The following EXOC4 variants were observed in gnomAD, a reference collection of about 807,000 sequenced individuals.
EXOC4 encodes SEC8-like 1.
EXOC4 carries 71 observed loss-of-function variants against 107.2 expected under a neutral mutation model. The observed-to-expected ratio is 0.66, with a 90% CI of 0.55 to 0.81. The LOEUF (loss-of-function observed/expected upper bound fraction) is 0.81, where lower values mean the gene tolerates loss of function less well. EXOC4 is among the 30% of genes least tolerant of loss of function. The pLI, the probability that EXOC4 is intolerant of heterozygous loss-of-function variation, is 0.00. For missense variants in EXOC4, 1,108 were observed against 1,189.6 expected, an observed-to-expected ratio of 0.93 and a Z score of 1.01; for synonymous variants, 456 against 441.2, an observed-to-expected ratio of 1.03 and a Z score of -0.42.
chr7:134,014,718 T>C (rs1794860277), intron 17 of EXOC4, among the ~76,000 whole-genome samples: 1 of 152,110 alleles, frequency 6.6e-6, no homozygotes, highest in African/African-American at 2.4e-5. Context: ...GCCCTGTGAC[T>C]ATTCTAAAAG....
At chr7:133,697,647 T>C (rs1240600946) in intron 10 of EXOC4, among the ~76,000 whole-genome samples, 2 of 152,170 alleles carry the variant, frequency 1.3e-5, no homozygotes, top group African/African-American at 4.8e-5. Context: ...GGCCTCGCAG[T>C]GTGGGAGAGA....
chr7:133,522,999 C>T (rs901415105), intron 9 of EXOC4, among the ~76,000 whole-genome samples: 4 of 152,178 alleles, frequency 2.6e-5, no homozygotes, highest in African/African-American at 4.8e-5. Context: ...TGGCATTTAA[C>T]TCACCACCTT....
At chr7:133,437,163 C>A (rs1471251745) in intron 7 of EXOC4, among the ~76,000 whole-genome samples, 1 of 151,968 alleles carries the variant, frequency 6.6e-6, no homozygotes, top group Admixed American at 6.6e-5. Flanking sequence ...AAATATTTGC[C>A]CAAATTAATA....
intron 10 of EXOC4, among the ~76,000 whole-genome samples, chr7:133,736,329 G>A (rs59959043): frequency 4.3e-4 from 65 of 152,158 alleles, no homozygotes; most frequent in African/African-American, 1.5e-3. Flanking sequence ...GTGTAGAACA[G>A]TGTTTTCAGC....
chr7:133,769,741 T>G (rs533794881), intron 10 of EXOC4, among the ~76,000 whole-genome samples: 2 of 152,024 alleles, frequency 1.3e-5, no homozygotes, highest in East Asian at 3.9e-4. Flanking sequence ...AGTTTTGAAC[T>G]TTTTTCCTTA....
intron 14 of EXOC4, among the ~76,000 whole-genome samples, chr7:133,951,346 T>C (rs1800685978): frequency 6.6e-6 from 1 of 152,182 alleles, no homozygotes; most frequent in African/African-American, 2.4e-5. Context: ...AAATCCCTCA[T>C]AGGTTATTTG....
intron 9 of EXOC4, among the ~76,000 whole-genome samples, chr7:133,504,061 A>T (rs951884243): frequency 2.0e-5 from 3 of 152,296 alleles, no homozygotes; most frequent in African/African-American, 7.2e-5. Context: ...GTACAAATAC[A>T]GTTCCCGACT....
At chr7:134,034,573 G>A (rs1280348289) in intron 17 of EXOC4, among the ~76,000 whole-genome samples, 5 of 152,162 alleles carry the variant, frequency 3.3e-5, no homozygotes, top group African/African-American at 7.2e-5. Context: ...TTCCCCCTTC[G>A]ATCAGCACTT....
chr7:133,502,065 A>C, intron 9 of EXOC4, among the ~76,000 whole-genome samples: 1 of 152,154 alleles, frequency 6.6e-6, no homozygotes, highest in Admixed American at 6.5e-5. Context: ...ACACTCGAGG[A>C]AGCTTAAATT....
intron 10 of EXOC4, among the ~76,000 whole-genome samples, chr7:133,787,380 TGTGTGTGTGA>T (rs781601086): frequency 0.16 from 3,833 of 24,558 alleles, 139 homozygotes; most frequent in South Asian, 0.23. Flanking sequence ...TGTGTGTGTG[TGTGTGTGTGA>T]GATGAGGTCT....
At chr7:133,303,944 G>A (rs78504184) in intron 3 of EXOC4, among the ~76,000 whole-genome samples, 158 of 152,256 alleles carry the variant, frequency 1.0e-3, no homozygotes, top group African/African-American at 3.6e-3. Context: ...CAGGCACTGC[G>A]CTAAGTGTTT....
intron 10 of EXOC4, among the ~76,000 whole-genome samples, chr7:133,787,964 TATATATATA>T (rs1796617733): frequency 7.6e-4 from 7 of 9,242 alleles, no homozygotes; most frequent in African/African-American, 1.8e-3. Context: ...TTTATATATT[TATATATATA>T]TATATATATA....
intron 14 of EXOC4, among the ~76,000 whole-genome samples, chr7:133,960,170 A>G (rs1476139435): frequency 1.3e-5 from 2 of 152,194 alleles, no homozygotes; most frequent in Non-Finnish European, 2.9e-5. Flanking sequence ...GTTGATTAGA[A>G]TACCTAATGT....
chr7:133,867,547 C>A (rs746679191), intron 11 of EXOC4, among the ~76,000 whole-genome samples: 1 of 152,156 alleles, frequency 6.6e-6, no homozygotes, highest in Non-Finnish European at 1.5e-5. Context: ...GGGAACCATT[C>A]TTTTCAAGTG....
chr7:134,058,996 C>T (rs933499685), intron 17 of EXOC4, among the ~76,000 whole-genome samples: 1 of 152,146 alleles, frequency 6.6e-6, no homozygotes, highest in Admixed American at 6.6e-5. Context: ...CAAAACCCAG[C>T]ATGAGACGTA....
chr7:133,852,252 T>C (rs1798252981), intron 11 of EXOC4, among the ~76,000 whole-genome samples: 1 of 151,146 alleles, frequency 6.6e-6, no homozygotes, highest in Non-Finnish European at 1.5e-5. Context: ...AGACGGAGTC[T>C]TGCTCTGTCA....
intron 11 of EXOC4, among the ~76,000 whole-genome samples, chr7:133,831,079 C>T (rs1037821234): frequency 6.6e-6 from 1 of 152,220 alleles, no homozygotes; most frequent in African/African-American, 2.4e-5. Flanking sequence ...ATTCTCCTGC[C>T]TCAGCCTCCT....
intron 10 of EXOC4, among the ~76,000 whole-genome samples, chr7:133,779,729 A>G (rs1424972152): frequency 1.3e-5 from 2 of 152,336 alleles, no homozygotes; most frequent in Non-Finnish European, 2.9e-5. Context: ...AGCTAGCTAG[A>G]GATTTGTAAA....
intron 10 of EXOC4, among the ~76,000 whole-genome samples, chr7:133,664,481 C>G (rs1793768012): frequency 6.6e-6 from 1 of 152,146 alleles, no homozygotes; most frequent in Admixed American, 6.5e-5. Flanking sequence ...CTCAAGACAA[C>G]AGTTTTCCAC....
Sources: allele counts gnomAD v4.1 joint callset (sites outside exome capture counted in the v4.1 genomes callset), GRCh38; gene constraint gnomAD v4.1.1; transcripts MANE v1.5; gene names NCBI Gene and HGNC (gene_info 2026-07-23, HGNC 2026-07-21).